Variants in CRX observed in about 807,000 individuals in gnomAD.
CRX encodes cone-rod homeobox protein.
Under a neutral mutation model 13.1 loss-of-function variants are expected in CRX, and 5 were observed. The observed-to-expected ratio is 0.38, with a 90% CI of 0.20 to 0.80. The LOEUF is 0.80. Among genes scored for constraint, CRX ranks in the 30% least tolerant of loss-of-function variants. The pLI, the probability that CRX is intolerant of heterozygous loss-of-function variation, is 0.43. For missense variants in CRX, 351 were observed against 391.8 expected, an observed-to-expected ratio of 0.90 and a Z score of 0.88; for synonymous variants, 179 against 171.1, an observed-to-expected ratio of 1.05 and a Z score of -0.36.
chr19:47,837,451 G>A (rs1968130896), intron 3 of CRX, among the ~76,000 whole-genome samples: 1 of 152,226 alleles, frequency 6.6e-6, no homozygotes, highest in Non-Finnish European at 1.5e-5. Flanking sequence ...ACAGGCGTGA[G>A]CCACCGCGCC....
intron 1 of CRX, among the ~76,000 whole-genome samples, chr19:47,825,008 T>TTTTTTTG (rs1555800861): frequency 6.7e-6 from 1 of 149,042 alleles, no homozygotes; most frequent in South Asian, 2.2e-4. Flanking sequence ...TTTTTTTTTT[T>TTTTTTTG]GGGATGGAGT....
chr19:47,824,990 A>ATTTTTTTTTTTTTT (rs11374819), intron 1 of CRX, among the ~76,000 whole-genome samples: 1 of 100,406 alleles, frequency 1.0e-5, no homozygotes, highest in Non-Finnish European at 1.9e-5. Flanking sequence ...CGATTGATTG[A>ATTTTTTTTTTTTTT]TTTTTTTTTT....
Position 47,842,172 on chromosome 19 carries a change from G to A in CRX, c.*2205G>A, listed in dbSNP as rs888918613. On this transcript the variant is annotated 3_prime_UTR_variant, in exon 4 of 4. Transcript: ENST00000221996. The stretch of plus-strand genomic sequence containing the variant: ...CACTAGACCAGAAGAGGTGCACACA[G>A]CCTAGACCCCCTGAGGGGTACACCC... 6.6e-6 allele frequency: 1 copy of A among 152,398 alleles called. No individual in the cohort carries two copies. Among genetic ancestry groups the A allele is most frequent in the Non-Finnish European group, 1.5e-5 (1 of 68,166 alleles). The allele number at this position is 152,398 out of a possible 1,614,324, so 9.4% of individuals were successfully genotyped here. A position where few individuals can be genotyped will look rare whatever the true frequency, so the allele number is the denominator to read the frequency against.
chr19:47,836,203 T>C, intron 2 of CRX, 40 bp from the exon 3 acceptor site: 15 of 1,613,456 alleles, frequency 9.3e-6, no homozygotes, highest in Non-Finnish European at 1.1e-5. Flanking sequence ...CACCAGCCCA[T>C]GTGGATGACC....
Position 47,839,680 on chromosome 19 carries a change from C to A in CRX, c.613C>A (p.Pro205Thr). ...CCCGGCCTCCGCTTTCTGCTCTTCCCCCTCCGCCTATGGGTCTCCGAGCTC... is the reference window on the plus strand; with the variant it reads ...CCCGGCCTCCGCTTTCTGCTCTTCCACCTCCGCCTATGGGTCTCCGAGCTC... ...YAPASAFCSSPSAYGSPSSYF... is the reference protein window; with the variant it reads ...YAPASAFCSSTSAYGSPSSYF... Residue 205 changes from proline to threonine, a missense_variant, in exon 4 of 4, where the codon CCC becomes ACC. By Grantham distance (38) the Pro-to-Thr change is conservative. This residue lies in a region of CRX where 253 missense variants were observed against 268.3 expected (regional missense o/e 0.94). Coordinates refer to ENST00000221996, the MANE Select transcript of CRX (RefSeq NM_000554.6). The surrounding 1 kb of genome is among the most constrained non-coding windows in gnomAD (Gnocchi z 4.6). 1.2e-6 allele frequency: 2 copies of A among 1,613,866 alleles called. No individual in the cohort carries two copies. Among genetic ancestry groups the A allele is most frequent in the South Asian group, 1.1e-5 (1 of 91,084 alleles).
At chr19:47,836,416 C>A (rs373770563) in intron 3 of CRX, 22 bp downstream of exon 3, 48 of 1,614,014 alleles carry the variant, frequency 3.0e-5, no homozygotes, top group Non-Finnish European at 3.7e-5. Flanking sequence ...GGTCCCTGGA[C>A]CCCTCCCGAC....
intron 1 of CRX, among the ~76,000 whole-genome samples, chr19:47,826,945 G>A (rs1302564715): frequency 6.6e-6 from 1 of 152,164 alleles, no homozygotes; most frequent in East Asian, 1.9e-4. Context: ...TCTCATAGCT[G>A]TTGGCAGGAG....
Position 47,836,282 on chromosome 19 carries a change from C to T in CRX, c.140C>T (p.Thr47Ile), listed in dbSNP as rs1203670123. ...RKQRRERTTF[T>I]RSQLEELEAL... Reference sequence around the variant, plus strand: ...CAGCGGCGGGAGCGCACCACCTTCACCCGGAGCCAACTGGAGGAGCTGGAG... The same window carrying T: ...CAGCGGCGGGAGCGCACCACCTTCATCCGGAGCCAACTGGAGGAGCTGGAG... Residue 47 changes from threonine (T) to isoleucine (I), a missense_variant, in exon 3 of 4, where the codon ACC becomes ATC. This residue lies in a region of CRX where 95 missense variants were observed against 106.7 expected (regional missense o/e 0.89). Coordinates refer to ENST00000221996, the MANE Select transcript of CRX (RefSeq NM_000554.6). 2.5e-6 allele frequency: 4 copies of T among 1,614,198 alleles called. No homozygotes were observed. The South Asian group carries it at 3.3e-5, about 13-fold the overall frequency.
chr19:47,835,929 C>T (rs559019181), intron 2 of CRX, among the ~76,000 whole-genome samples: 32 of 152,116 alleles, frequency 2.1e-4, no homozygotes, highest in South Asian at 6.2e-4. Flanking sequence ...CCCAGACTTG[C>T]TACTTTTATA....
intron 2 of CRX, 100 bp from the exon 3 acceptor site, chr19:47,836,136 TAGGCAGA>T (rs1968114573): frequency 7.1e-7 from 1 of 1,401,624 alleles, no homozygotes; most frequent in Admixed American, 1.7e-5. Flanking sequence ...ATCCTTAGTT[TAGGCAGA>T]TGGCAACCAG....
intron 2 of CRX, among the ~76,000 whole-genome samples, chr19:47,835,101 C>T (rs1373761389): frequency 6.6e-6 from 1 of 152,156 alleles, no homozygotes; most frequent in African/African-American, 2.4e-5. Context: ...CTCAAGCGAT[C>T]CTTTTGCCTT....
intron 1 of CRX, among the ~76,000 whole-genome samples, chr19:47,831,101 G>C (rs1439902167): frequency 6.6e-6 from 1 of 151,940 alleles, no homozygotes; most frequent in East Asian, 1.9e-4. Context: ...GAGGTCAGGA[G>C]TTCGAGACCA....
chr19:47,835,763 A>G (rs1433414238), intron 2 of CRX, among the ~76,000 whole-genome samples: 1 of 151,798 alleles, frequency 6.6e-6, no homozygotes, highest in East Asian at 1.9e-4. Context: ...CTGGGACTAC[A>G]GGCATGCACC....
chr19:47,839,640 T>C lies in CRX; in HGVS notation c.573T>C (p.Tyr191=). Residue 191 remains tyrosine (Y), a synonymous_variant, in exon 4 of 4, where the codon TAT becomes TAC. Transcript: ENST00000221996. This position sits in a 1 kb window ranked among gnomAD's most constrained non-coding sequence, Gnocchi z 4.6. ...GGCCGTCTCTGACCTCCGCCCCCTA[T>C]GCCATGACCTACGCCCCGGCCTCCG... The part of the protein sequence containing the change: ...ASGPSLTSAP[Y]AMTYAPASAF... 1 of 1,613,278 alleles carries C rather than the reference T, an allele frequency of 6.2e-7. No homozygotes were observed. Among genetic ancestry groups the C allele is most frequent in the Non-Finnish European group, 8.5e-7 (1 of 1,179,950 alleles).
chr19:47,836,859 T>C (rs893185468), intron 3 of CRX, among the ~76,000 whole-genome samples: 4 of 152,150 alleles, frequency 2.6e-5, no homozygotes, highest in Non-Finnish European at 4.4e-5. Flanking sequence ...TAGTAGAAAA[T>C]GGTTAATACA....
At chr19:47,827,631 C>T (rs529526041) in intron 1 of CRX, among the ~76,000 whole-genome samples, 3 of 147,352 alleles carry the variant, frequency 2.0e-5, no homozygotes, top group South Asian at 2.2e-4. Flanking sequence ...CTCCGCCTCC[C>T]GGGTTCAAGC....
chr19:47,830,427 G>A (rs528044495), intron 1 of CRX, among the ~76,000 whole-genome samples: 7 of 152,170 alleles, frequency 4.6e-5, no homozygotes, highest in Non-Finnish European at 8.8e-5. Flanking sequence ...TTTGGGCCGG[G>A]TGCAGTGGCT....
rs1263835957 is a variant in CRX, at chr19:47,843,193, C to G, written c.*3226C>G. The G allele has an allele frequency of 6.6e-6, 1 of 152,304 alleles. No individual in the cohort carries two copies. The highest frequency in any genetic ancestry group is 1.5e-5 in the Non-Finnish European group (1 of 68,140). The allele number at this position is 152,304 out of a possible 1,614,324, so 9.4% of individuals were successfully genotyped here. On this transcript the variant is annotated 3_prime_UTR_variant, in exon 4 of 4. Coordinates refer to ENST00000221996, the MANE Select transcript of CRX (RefSeq NM_000554.6). ...GGAAGAGTGACAAGGCAGGTGGGGACAGAAGGAAGAAGCCAGGAGCCTCCC... is the reference window on the plus strand; with the variant it reads ...GGAAGAGTGACAAGGCAGGTGGGGAGAGAAGGAAGAAGCCAGGAGCCTCCC...
chr19:47,831,900 G>A (rs915782740), intron 1 of CRX, among the ~76,000 whole-genome samples: 2 of 151,188 alleles, frequency 1.3e-5, no homozygotes, highest in African/African-American at 2.4e-5. Context: ...CTGCCACCAC[G>A]CCCGGATAAT....
Sources: allele counts gnomAD v4.1 joint callset (sites outside exome capture counted in the v4.1 genomes callset), GRCh38; gene constraint gnomAD v4.1.1; regional missense constraint gnomAD v4.1.1; non-coding constraint Gnocchi (gnomAD v3.1); transcripts MANE v1.5; gene names NCBI Gene and HGNC (gene_info 2026-07-23, HGNC 2026-07-21).